NR1D2: variants seen among roughly 807,000 people sequenced by gnomAD.
The protein encoded by NR1D2 is nuclear receptor subfamily 1 group D member 2.
A neutral mutation model predicts 52.2 loss-of-function variants in NR1D2; 25 were observed. The observed-to-expected ratio is 0.48, with a 90% CI of 0.35 to 0.67. The LOEUF is 0.67. Ranked by LOEUF, NR1D2 falls within the 30% of genes least tolerant of loss-of-function variation. The probability of loss-of-function intolerance (pLI) is 0.01; values close to 1 mark genes in which losing one functional copy is unlikely to be tolerated. For missense variants in NR1D2, 681 were observed against 707.2 expected (o/e 0.96, Z 0.42); for synonymous variants, 259 against 230.1 (o/e 1.13, Z -1.14).
chr3:23,974,599 T>C (rs1309635467), intron 7 of NR1D2, among the ~76,000 whole-genome samples: 1 of 152,186 alleles, frequency 6.6e-6, no homozygotes, highest in Non-Finnish European at 1.5e-5. Flanking sequence ...AATAAATGTT[T>C]GGCAAACGAT....
Position 23,978,615 on chromosome 3 carries a change from A to C in NR1D2, c.*1196A>C, listed in dbSNP as rs1256275214. 2 of 152,104 alleles carry C rather than the reference A, an allele frequency of 1.3e-5. No homozygotes were observed. Among genetic ancestry groups the C allele is most frequent in the Non-Finnish European group, 2.9e-5 (2 of 67,996 alleles). 9.4% of individuals were successfully genotyped at this position (152,104 alleles called of 1,614,324 possible). A position where few individuals can be genotyped will look rare whatever the true frequency, so the allele number is the denominator to read the frequency against. ...GGTTGCATTGCTGCCCCTTATACAC[A>C]TGCTGCAGCTTGATGTTAAAGAATT... On this transcript the variant is annotated 3_prime_UTR_variant, in exon 8 of 8. Transcript: ENST00000312521.
chr3:23,945,507 G>A lies in NR1D2; in HGVS notation c.-72G>A. Reference sequence around the variant, plus strand: ...TGCTTCCAGCCCGGGGCGGCGCGGCGCTGAGGCGGCGGCGGCGGCGCTGCC... The same window carrying A: ...TGCTTCCAGCCCGGGGCGGCGCGGCACTGAGGCGGCGGCGGCGGCGCTGCC... On this transcript the variant is annotated 5_prime_UTR_variant, in exon 1 of 8. Transcript: ENST00000312521. The A allele has an allele frequency of 3.1e-6, 3 of 964,716 alleles. No individual in the cohort carries two copies. Among genetic ancestry groups the A allele is most frequent in the Non-Finnish European group, 1.3e-6 (1 of 788,670 alleles). 59.8% of individuals were successfully genotyped at this position (964,716 alleles called of 1,614,324 possible).
At chr3:23,950,249 A>T (rs1457616517) in intron 1 of NR1D2, among the ~76,000 whole-genome samples, 1 of 152,254 alleles carries the variant, frequency 6.6e-6, no homozygotes, top group African/African-American at 2.4e-5. Flanking sequence ...AAAGATTGAA[A>T]GTGACTTGCT....
chr3:23,973,453 C>T lies in NR1D2; in HGVS notation c.1544-3770C>T, dbSNP rs995156769. ...ATTTGTGTATCTAAACATATCTAAA[C>T]AAAGAAAAGGTACAGTAACAATAGA... On this transcript the variant is annotated intron_variant, in intron 7 of 7. Transcript: ENST00000312521. Among the ~76,000 whole-genome samples, 8 of 152,128 alleles carry T rather than the reference C, an allele frequency of 5.3e-5. No homozygotes were observed. The South Asian group carries it at 1.0e-3, about 20-fold the overall frequency.
intron 2 of NR1D2, 63 bp from the exon 3 acceptor site, chr3:23,955,974 T>C (rs2125286400): frequency 8.7e-7 from 1 of 1,151,500 alleles, no homozygotes; most frequent in South Asian, 1.3e-5. Context: ...AAATATCTAA[T>C]TGGAAAGAAA....
intron 3 of NR1D2, among the ~76,000 whole-genome samples, chr3:23,956,558 C>T (rs1706087088): frequency 6.6e-6 from 1 of 151,950 alleles, no homozygotes; most frequent in Non-Finnish European, 1.5e-5. Flanking sequence ...ACGTCAGGTA[C>T]TGGGAGCTGG....
intron 7 of NR1D2, among the ~76,000 whole-genome samples, chr3:23,968,722 T>C (rs1169219883): frequency 6.6e-6 from 1 of 152,224 alleles, no homozygotes; most frequent in Non-Finnish European, 1.5e-5. Flanking sequence ...ATTACAGTTA[T>C]TTCTGACAGT....
chr3:23,968,121 G>A lies in NR1D2; in HGVS notation c.1543+98G>A, dbSNP rs562467639. Reference sequence around the variant, plus strand: ...AGGGTTCCAGAAAGTTATATAGAGGGAATAAGGCCTTAAGGAAGATGCTAA... The same window carrying A: ...AGGGTTCCAGAAAGTTATATAGAGGAAATAAGGCCTTAAGGAAGATGCTAA... On this transcript the variant is annotated intron_variant, in intron 7 of 7. Coordinates refer to ENST00000312521, the MANE Select transcript of NR1D2 (RefSeq NM_005126.5). 6 of 887,382 alleles carry A rather than the reference G, an allele frequency of 6.8e-6. No homozygotes were observed. The East Asian group carries it at 9.8e-5, about 15-fold the overall frequency. The allele number at this position is 887,382 out of a possible 1,614,324, so 55.0% of individuals were successfully genotyped here.
chr3:23,946,745 G>C (rs1008362235), intron 1 of NR1D2, among the ~76,000 whole-genome samples: 1 of 152,148 alleles, frequency 6.6e-6, no homozygotes, highest in Non-Finnish European at 1.5e-5. Context: ...GACTTTTCCT[G>C]AATCTGATCA....
At chr3:23,971,520 C>T (rs1228683093) in intron 7 of NR1D2, among the ~76,000 whole-genome samples, 5 of 151,950 alleles carry the variant, frequency 3.3e-5, no homozygotes, top group African/African-American at 4.8e-5. Flanking sequence ...CCACCCTCCT[C>T]GGCCTCCCAA....
At position 23,970,471 on chromosome 3, in the gene NR1D2, G is replaced by GA. The variant is rs908661906; in HGVS notation, c.1543+2456dup. Among the ~76,000 whole-genome samples the GA allele has an allele frequency of 4.8e-4, 73 of 151,572 alleles. 1 individual carries two copies. The highest frequency in any genetic ancestry group is 3.9e-4 in the East Asian group (2 of 5,174). ...TGAAAATGTAGAAAATATTAAAATG[G>GA]AAAAAAAAGGTTATAATATCACTAC... On this transcript the variant is annotated intron_variant, in intron 7 of 7. Coordinates refer to ENST00000312521, the MANE Select transcript of NR1D2 (RefSeq NM_005126.5).
At chr3:23,961,248 T>C (rs1267975625) in intron 4 of NR1D2, among the ~76,000 whole-genome samples, 8 of 152,152 alleles carry the variant, frequency 5.3e-5, no homozygotes, top group Admixed American at 3.3e-4. Context: ...CCATTAATGG[T>C]AATGGATGTG....
At chr3:23,964,696 C>T in intron 5 of NR1D2, 1 of 266,368 alleles carries the variant, frequency 3.8e-6, no homozygotes. Context: ...AAAATAAACT[C>T]TTAAACCTGT....
chr3:23,952,725 C>CAA (rs35053426), intron 1 of NR1D2, among the ~76,000 whole-genome samples: 2,654 of 118,486 alleles, frequency 0.022, 94 homozygotes, highest in African/African-American at 0.072. Context: ...GACTCCATCT[C>CAA]AAAAAAAAAA....
Position 23,976,123 on chromosome 3 carries a change from T to G in NR1D2, c.1544-1100T>G, listed in dbSNP as rs76264476. Among the ~76,000 whole-genome samples, 720 of 152,354 alleles carry G rather than the reference T, an allele frequency of 4.7e-3. 6 individuals are homozygous for G. The highest frequency in any genetic ancestry group is 0.016 in the African/African-American group (672 of 41,578). On this transcript the variant is annotated intron_variant, in intron 7 of 7. Transcript: ENST00000312521. ...GTGATCTACATAGGTTTGCCTGATT[T>G]TAAGATACTTTATTGCAGGCTTATG...
At chr3:23,972,760 G>T (rs932101015) in intron 7 of NR1D2, among the ~76,000 whole-genome samples, 3 of 152,162 alleles carry the variant, frequency 2.0e-5, no homozygotes, top group African/African-American at 7.2e-5. Flanking sequence ...TTTAGAAGAT[G>T]AATTTCCACT....
rs937747613 is a variant in NR1D2, at chr3:23,979,683, A to G, written c.*2264A>G. 2 of 152,122 alleles carry G rather than the reference A, an allele frequency of 1.3e-5. No homozygotes were observed. The highest frequency in any genetic ancestry group is 4.8e-5 in the African/African-American group (2 of 41,468). 9.4% of individuals were successfully genotyped at this position (152,122 alleles called of 1,614,324 possible). On this transcript the variant is annotated 3_prime_UTR_variant, in exon 8 of 8. Coordinates refer to ENST00000312521, the MANE Select transcript of NR1D2 (RefSeq NM_005126.5). ...CATATGTCACTCATAGCATTTCTATATTTGAAAGTAGCCCAATATAAAACT... is the reference window on the plus strand; with the variant it reads ...CATATGTCACTCATAGCATTTCTATGTTTGAAAGTAGCCCAATATAAAACT...
intron 1 of NR1D2, among the ~76,000 whole-genome samples, chr3:23,953,342 C>CAAAA (rs55698030): frequency 1.1e-4 from 6 of 52,440 alleles, no homozygotes; most frequent in Admixed American, 2.3e-4. Flanking sequence ...GACTCTGTCT[C>CAAAA]AAAAAAAAAA....
Position 23,962,579 on chromosome 3 carries a change from T to G in NR1D2, c.1120T>G (p.Cys374Gly). ...SQNENKNSYL[C>G]NTGGRMHLVC... ...GAATGAGAACAAGAATAGTTACCTGTGCAACACTGGAGGAAGAATGCATCT... is the reference window on the plus strand; with the variant it reads ...GAATGAGAACAAGAATAGTTACCTGGGCAACACTGGAGGAAGAATGCATCT... Residue 374 changes from cysteine to glycine, a missense_variant, in exon 5 of 8, where the codon TGC becomes GGC. Coordinates refer to ENST00000312521, the MANE Select transcript of NR1D2 (RefSeq NM_005126.5). The G allele has an allele frequency of 6.2e-7, 1 of 1,606,710 alleles. No homozygotes were observed. The highest frequency in any genetic ancestry group is 8.5e-7 in the Non-Finnish European group (1 of 1,174,252).
Sources: gnomAD v4.1 joint callset for allele counts (sites outside exome capture counted in the v4.1 genomes callset) on GRCh38, gnomAD v4.1.1 for gene constraint, MANE v1.5 for transcripts, NCBI Gene and HGNC (gene_info 2026-07-23, HGNC 2026-07-21) for gene names.